EP300: variants seen among roughly 807,000 people sequenced by gnomAD.
EP300 encodes histone acetyltransferase p300.
EP300 carries 31 observed loss-of-function variants against 264.0 expected under a neutral mutation model. The ratio of observed to expected loss-of-function variants is 0.12; its 90% CI spans 0.09 to 0.16. The LOEUF is 0.16. Among genes scored for constraint, EP300 ranks in the 10% least tolerant of loss-of-function variants. The pLI is 1.00. For synonymous variants in EP300, 1,340 were observed against 1,045.4 expected (o/e 1.28, Z -5.44); for missense variants, 2,766 against 3,052.9 (o/e 0.91, Z 2.21).
At position 41,093,096 on chromosome 22, in the gene EP300, C is replaced by T. The variant is rs2145665839; in HGVS notation, c.92C>T (p.Thr31Ile). The change falls in exon 1 of 31, where the codon ACA becomes ATA. Residue 31 changes from threonine to isoleucine, a missense_variant and splice_region_variant. Transcript: ENST00000263253. The part of the protein sequence containing the change: ...PALSASASDG[T>I]DFGSLFDLEH... ...CTCTCGGCGTCCGCCAGCGATGGCA[C>T]AGGTTAGTTTCGGCAGCCCCGGCCT... The T allele has an allele frequency of 1.2e-6, 2 of 1,614,070 alleles. No homozygotes were observed. The highest frequency in any genetic ancestry group is 1.7e-6 in the Non-Finnish European group (2 of 1,180,002).
At chr22:41,137,910 A>G (rs1675938606) in intron 8 of EP300, 120 bp downstream of exon 8, 8 of 1,326,474 alleles carry the variant, frequency 6.0e-6, no homozygotes, top group Non-Finnish European at 8.5e-6. Context: ...ATGGAGGTTG[A>G]TGTTGATACT....
intron 1 of EP300, among the ~76,000 whole-genome samples, chr22:41,095,232 ATTTTTTT>A (rs66515117): frequency 1.0e-4 from 8 of 80,262 alleles, no homozygotes; most frequent in Non-Finnish European, 1.8e-4. Context: ...TACCATTGTA[ATTTTTTT>A]TTTTTTTTTT....
intron 16 of EP300, 123 bp downstream of exon 16, chr22:41,152,473 C>A: frequency 8.7e-7 from 1 of 1,153,574 alleles, no homozygotes; most frequent in Non-Finnish European, 1.3e-6. Flanking sequence ...AACCTGGAAG[C>A]CCTGGGCCTG....
At chr22:41,093,786 CA>C (rs1380905909) in intron 1 of EP300, among the ~76,000 whole-genome samples, 3 of 152,106 alleles carry the variant, frequency 2.0e-5, no homozygotes, top group African/African-American at 4.8e-5. Flanking sequence ...GTTGGGAGAA[CA>C]GGGGCATGTT....
chr22:41,138,781 C>T lies in EP300; in HGVS notation c.1760+991C>T, dbSNP rs192504126. On this transcript the variant is annotated intron_variant, in intron 8 of 30. Transcript: ENST00000263253. Reference sequence around the variant, plus strand: ...TTTCACTTTCAGTTAATAGCAGGGTCGTCTTTACTGTATCCATATTTTTTA... The same window carrying T: ...TTTCACTTTCAGTTAATAGCAGGGTTGTCTTTACTGTATCCATATTTTTTA... Among the ~76,000 whole-genome samples the T allele has an allele frequency of 2.4e-4, 36 of 152,164 alleles. 1 individual carries two copies. In the East Asian group the frequency reaches 2.5e-3, roughly 11 times the overall value.
intron 10 of EP300, 94 bp from the exon 11 acceptor site, chr22:41,146,645 T>C (rs1321634102): frequency 9.7e-7 from 1 of 1,030,320 alleles, no homozygotes. Flanking sequence ...AAAGGTATTA[T>C]TAAAAATATT....
intron 27 of EP300, among the ~76,000 whole-genome samples, chr22:41,172,003 A>G (rs1485155871): frequency 6.6e-6 from 1 of 152,208 alleles, no homozygotes; most frequent in African/African-American, 2.4e-5. Flanking sequence ...TAGTAGTTCA[A>G]CTAAATAAAG....
intron 3 of EP300, 67 bp from the exon 4 acceptor site, chr22:41,127,420 C>G (rs2079312276): frequency 6.3e-7 from 1 of 1,592,262 alleles, no homozygotes; most frequent in African/African-American, 1.3e-5. Context: ...AAAATATCCA[C>G]ATCTCTATTT....
At chr22:41,104,341 G>A (rs555055518) in intron 1 of EP300, among the ~76,000 whole-genome samples, 40 of 151,854 alleles carry the variant, frequency 2.6e-4, no homozygotes, top group African/African-American at 9.4e-4. Context: ...CCAGGCTGGA[G>A]TGCAGTGGTG....
At chr22:41,160,365 T>C (rs1194014777) in intron 19 of EP300, 1 of 423,066 alleles carries the variant, frequency 2.4e-6, no homozygotes, top group African/African-American at 2.0e-5. Context: ...TTCGTTTGTT[T>C]TGTGTTTTTT....
chr22:41,115,656 C>T (rs2058816813), intron 1 of EP300, among the ~76,000 whole-genome samples: 1 of 152,138 alleles, frequency 6.6e-6, no homozygotes, highest in Admixed American at 6.5e-5. Context: ...AAGAATTCCT[C>T]CTGCCTTGGC....
At position 41,178,675 on chromosome 22, in the gene EP300, C is replaced by T. The variant is rs2059219113; in HGVS notation, c.6964C>T (p.Pro2322Ser). 6 of 1,614,094 alleles carry T rather than the reference C, an allele frequency of 3.7e-6. No homozygotes were observed. The highest frequency in any genetic ancestry group is 5.1e-6 in the Non-Finnish European group (6 of 1,180,010). Residue 2322 changes from proline (P) to serine (S), a missense_variant, in exon 31 of 31, where the codon CCC becomes TCC. Pro to Ser is a moderately conservative substitution (Grantham distance 74). Coordinates refer to ENST00000263253, the MANE Select transcript of EP300 (RefSeq NM_001429.4). Reference protein sequence around the residue: ...PVPSPRPQSQPPHSSPSPRMQ... With the variant: ...PVPSPRPQSQSPHSSPSPRMQ... ...CCCTTCTCCACGGCCACAGTCCCAG[C>T]CCCCCCACTCCAGTCCTTCCCCAAG...
intron 10 of EP300, among the ~76,000 whole-genome samples, chr22:41,143,444 C>T (rs190197746): frequency 1.3e-5 from 2 of 152,110 alleles, no homozygotes; most frequent in Non-Finnish European, 2.9e-5. Flanking sequence ...AGAGTGAGAT[C>T]CTGTCTTTAA....
In EP300 at chr22:41,147,927, A is replaced by C. The variant is rs1345712877; in HGVS notation, c.2222A>C (p.Gln741Pro). Residue 741 changes from glutamine to proline, a missense_variant, in exon 12 of 31, where the codon CAA (glutamine) becomes CCA (proline). Coordinates refer to ENST00000263253, the MANE Select transcript of EP300 (RefSeq NM_001429.4). ...CTTCAGCACCATGGACAGTTGGCTC[A>C]ACCTGGAGCTCTCAACCCGGTTAGT... ...PPLQHHGQLAQPGALNPPMGY... is the reference protein window; with the variant it reads ...PPLQHHGQLAPPGALNPPMGY... 1 of 1,608,468 alleles carries C rather than the reference A, an allele frequency of 6.2e-7. No individual in the cohort carries two copies. Among genetic ancestry groups the C allele is most frequent in the Non-Finnish European group, 8.5e-7 (1 of 1,177,020 alleles).
chr22:41,163,338 G>A (rs1443462871), intron 21 of EP300, among the ~76,000 whole-genome samples: 1 of 150,618 alleles, frequency 6.6e-6, no homozygotes, highest in Non-Finnish European at 1.5e-5. Context: ...GGGAGGCTGA[G>A]GCAGGAGAAT....
chr22:41,142,640 C>A (rs961873588), intron 10 of EP300, among the ~76,000 whole-genome samples: 1 of 152,122 alleles, frequency 6.6e-6, no homozygotes, highest in African/African-American at 2.4e-5. Context: ...ACTCCCAGCA[C>A]TTTGGGAGGC....
intron 2 of EP300, among the ~76,000 whole-genome samples, chr22:41,119,519 A>T (rs1249503793): frequency 6.6e-6 from 1 of 152,186 alleles, no homozygotes. Flanking sequence ...ACTGGTGGAC[A>T]AAATACTTTA....
At position 41,168,584 on chromosome 22, in the gene EP300, C is replaced by T; in HGVS notation, c.4010C>T (p.Pro1337Leu). Residue 1337 changes from proline (P) to leucine (L), a missense_variant, in exon 24 of 31, where the codon CCA becomes CTA. Coordinates refer to ENST00000263253, the MANE Select transcript of EP300 (RefSeq NM_001429.4). ...TCTGACAAAACCGTGGAAGTAAAAC[C>T]AGGCATGAAAGCAAGGTATCTAGTC... ...HASDKTVEVK[P>L]GMKARFVDSG... 1 of 1,614,150 alleles carries T rather than the reference C, an allele frequency of 6.2e-7. No homozygotes were observed. The highest frequency in any genetic ancestry group is 8.5e-7 in the Non-Finnish European group (1 of 1,180,034).
At chr22:41,097,485 G>A (rs1346428458) in intron 1 of EP300, among the ~76,000 whole-genome samples, 4 of 152,150 alleles carry the variant, frequency 2.6e-5, no homozygotes, top group Non-Finnish European at 5.9e-5. Context: ...GAAAATTAAT[G>A]CAAAGTGGTA....
Sources: allele counts gnomAD v4.1 joint callset (sites outside exome capture counted in the v4.1 genomes callset), GRCh38; gene constraint gnomAD v4.1.1; transcripts MANE v1.5; gene names NCBI Gene and HGNC (gene_info 2026-07-23, HGNC 2026-07-21).